The following PHACTR4 variants were observed in gnomAD, a reference collection of about 807,000 sequenced individuals.
PHACTR4 encodes the protein protein phosphatase 1, regulatory subunit 124.
Under a neutral mutation model 72.7 loss-of-function variants are expected in PHACTR4, and 51 were observed. The observed-to-expected ratio is 0.70, with a 90% confidence interval of 0.56 to 0.89. The LOEUF (loss-of-function observed/expected upper bound fraction) is 0.89, where lower values mean the gene tolerates loss of function less well. PHACTR4 is among the 40% of genes least tolerant of loss of function. The pLI is 0.00. For missense variants in PHACTR4, 731 were observed against 861.8 expected (o/e 0.85, Z 1.90); for synonymous variants, 255 against 302.5 (o/e 0.84, Z 1.63).
intron 1 of PHACTR4, among the ~76,000 whole-genome samples, chr1:28,373,319 T>C (rs1445027543): frequency 1.3e-5 from 2 of 152,110 alleles, no homozygotes; most frequent in Non-Finnish European, 2.9e-5. Context: ...AGATGGAGTT[T>C]CACTCTTTTT....
At position 28,473,950 on chromosome 1, in the gene PHACTR4, A is replaced by G; in HGVS notation, c.1220A>G (p.His407Arg). 1 of 1,614,138 alleles carries G rather than the reference A, an allele frequency of 6.2e-7. No homozygotes were observed. Among genetic ancestry groups the G allele is most frequent in the Non-Finnish European group, 8.5e-7 (1 of 1,180,024 alleles). The change falls in exon 7 of 14, where the codon CAT becomes CGT. Residue 407 changes from histidine (H) to arginine (R), a missense_variant. Physicochemically the swap from His to Arg is conservative, Grantham distance 29 (BLOSUM62 0). Transcript: ENST00000373839. ...RILDQNFGEPHIPSRLPPLPL... is the reference protein window; with the variant it reads ...RILDQNFGEPRIPSRLPPLPL... ...CTGGACCAGAACTTTGGGGAGCCCCATATACCCTCTAGGCTGCCTCCACTC... is the reference window on the plus strand; with the variant it reads ...CTGGACCAGAACTTTGGGGAGCCCCGTATACCCTCTAGGCTGCCTCCACTC...
At chr1:28,458,979 C>A in intron 2 of PHACTR4, 106 bp from the exon 3 acceptor site, 2 of 1,024,476 alleles carry the variant, frequency 2.0e-6, no homozygotes, top group Non-Finnish European at 2.8e-6. Flanking sequence ...TTTATCGTTG[C>A]TCCGATCCTT....
At chr1:28,432,028 G>A (rs964244826) in intron 2 of PHACTR4, among the ~76,000 whole-genome samples, 2 of 151,990 alleles carry the variant, frequency 1.3e-5, no homozygotes, top group African/African-American at 4.8e-5. Flanking sequence ...GACCAACATG[G>A]TGAAACCCTA....
At chr1:28,385,661 G>A (rs1652508220) in intron 1 of PHACTR4, among the ~76,000 whole-genome samples, 1 of 147,872 alleles carries the variant, frequency 6.8e-6, no homozygotes, top group South Asian at 2.1e-4. Flanking sequence ...CTGTTGCCCA[G>A]GCTGGAGTGC....
At chr1:28,401,300 CTTTT>C (rs34281484) in intron 1 of PHACTR4, among the ~76,000 whole-genome samples, 1 of 103,032 alleles carries the variant, frequency 9.7e-6, no homozygotes, top group Non-Finnish European at 2.0e-5. Flanking sequence ...ACCTGCTTTA[CTTTT>C]TTTTTTTTTT....
At chr1:28,393,268 T>G (rs1270028886) in intron 1 of PHACTR4, among the ~76,000 whole-genome samples, 5 of 152,214 alleles carry the variant, frequency 3.3e-5, no homozygotes, top group Admixed American at 1.3e-4. Flanking sequence ...AGGTAAGAGA[T>G]AGGACTTCTG....
At chr1:28,440,778 G>GA (rs1656970709) in intron 2 of PHACTR4, among the ~76,000 whole-genome samples, 1 of 152,102 alleles carries the variant, frequency 6.6e-6, no homozygotes, top group African/African-American at 2.4e-5. Flanking sequence ...AGGCTTAACT[G>GA]AAAACCTTGA....
intron 9 of PHACTR4, among the ~76,000 whole-genome samples, chr1:28,485,007 ATT>A (rs139280495): frequency 0.095 from 14,438 of 152,140 alleles, 1,522 homozygotes; most frequent in African/African-American, 0.26. Flanking sequence ...GTGGAATATT[ATT>A]TAATCTTAAA....
chr1:28,492,362 A>G (rs929216626), intron 12 of PHACTR4, among the ~76,000 whole-genome samples: 1 of 151,830 alleles, frequency 6.6e-6, no homozygotes, highest in Non-Finnish European at 1.5e-5. Context: ...GCTTGAACCT[A>G]GGAGGTGGAG....
chr1:28,451,476 T>G (rs1344027968), intron 2 of PHACTR4, among the ~76,000 whole-genome samples: 4 of 151,654 alleles, frequency 2.6e-5, no homozygotes, highest in African/African-American at 4.9e-5. Context: ...CAATGATACA[T>G]ATCACAATAC....
chr1:28,462,039 ACTCT>A (rs1033152584), intron 4 of PHACTR4, among the ~76,000 whole-genome samples: 2 of 149,122 alleles, frequency 1.3e-5, no homozygotes, highest in Non-Finnish European at 3.0e-5. Flanking sequence ...ACAGAGTCTC[ACTCT>A]CTCTCCCAGG....
intron 1 of PHACTR4, among the ~76,000 whole-genome samples, chr1:28,390,243 C>G (rs1271218623): frequency 6.6e-6 from 1 of 152,058 alleles, no homozygotes; most frequent in South Asian, 2.1e-4. Flanking sequence ...CCTCGAAGTC[C>G]CTCCTGGTAT....
chr1:28,484,287 C>T (rs538672654), intron 9 of PHACTR4, among the ~76,000 whole-genome samples: 4 of 152,090 alleles, frequency 2.6e-5, no homozygotes, highest in Non-Finnish European at 5.9e-5. Context: ...CACCATGGCA[C>T]TCCAGTCTGG....
At chr1:28,419,654 AGAAC>A (rs1395290159) in intron 2 of PHACTR4, among the ~76,000 whole-genome samples, 5 of 152,186 alleles carry the variant, frequency 3.3e-5, no homozygotes, top group Non-Finnish European at 7.4e-5. Flanking sequence ...GTCAAAAACT[AGAAC>A]GAAAATGATA....
chr1:28,483,756 G>A (rs2124531850), intron 9 of PHACTR4, among the ~76,000 whole-genome samples: 1 of 134,892 alleles, frequency 7.4e-6, no homozygotes, highest in Admixed American at 8.2e-5. Flanking sequence ...CTGACATCGT[G>A]CCACTGCACT....
intron 10 of PHACTR4, chr1:28,489,900 C>T (rs1660926136): frequency 7.7e-6 from 4 of 518,776 alleles, no homozygotes. Context: ...CTTGGGTATA[C>T]ACAACTTAAT....
At chr1:28,455,938 C>A (rs958595801) in intron 2 of PHACTR4, among the ~76,000 whole-genome samples, 1 of 152,164 alleles carries the variant, frequency 6.6e-6, no homozygotes, top group Non-Finnish European at 1.5e-5. Flanking sequence ...AAGTGAAAAT[C>A]AAGCACATTT....
chr1:28,468,823 G>T (rs1260099199), intron 6 of PHACTR4, among the ~76,000 whole-genome samples: 1 of 152,174 alleles, frequency 6.6e-6, no homozygotes, highest in Non-Finnish European at 1.5e-5. Context: ...GTTCCCAGAT[G>T]ACACTGATGC....
chr1:28,474,075 A>G lies in PHACTR4; in HGVS notation c.1345A>G (p.Ser449Gly). Reference sequence around the variant, plus strand: ...AGCTCATTCGTTGCTTTTTGAAAACAGTGACAGCTTTTCTGAGGACAGCAG... The same window carrying G: ...AGCTCATTCGTTGCTTTTTGAAAACGGTGACAGCTTTTCTGAGGACAGCAG... The part of the protein sequence containing the change: ...HRAHSLLFEN[S>G]DSFSEDSSTL... The change falls in exon 7 of 14, where the codon AGT becomes GGT. Residue 449 changes from serine (S) to glycine (G), a missense_variant. Ser to Gly is a moderately conservative substitution (Grantham distance 56). Transcript: ENST00000373839. 1 of 1,614,210 alleles carries G rather than the reference A, an allele frequency of 6.2e-7. No individual in the cohort carries two copies. The highest frequency in any genetic ancestry group is 1.1e-5 in the South Asian group (1 of 91,082).
Sources: gnomAD v4.1 joint callset for allele counts (sites outside exome capture counted in the v4.1 genomes callset) on GRCh38, gnomAD v4.1.1 for gene constraint, MANE v1.5 for transcripts, NCBI Gene and HGNC (gene_info 2026-07-23, HGNC 2026-07-21) for gene names.